CA14: variants seen among roughly 807,000 people sequenced by gnomAD.
CA14 encodes the protein CA-XIV.
In CA14, 44 loss-of-function variants were observed where a neutral mutation model predicts 48.8. The observed-to-expected ratio is 0.90, with a 90% CI of 0.71 to 1.16. The LOEUF (loss-of-function observed/expected upper bound fraction) is 1.16. CA14 is among the 50% of genes most tolerant of loss of function. The pLI is 0.00. For synonymous variants in CA14, 154 were observed against 155.0 expected (o/e 0.99, Z 0.05); for missense variants, 386 against 401.0 (o/e 0.96, Z 0.32).
In CA14 at chr1:150,260,180, A is replaced by T; in HGVS notation, c.76+9A>T. 1 of 1,613,922 alleles carries T rather than the reference A, an allele frequency of 6.2e-7. No homozygotes were observed. The highest frequency in any genetic ancestry group is 1.1e-5 in the South Asian group (1 of 91,076). On this transcript the variant is annotated intron_variant, in intron 2 of 10. Transcript: ENST00000369111. Reference sequence around the variant, plus strand: ...ACACTGGACGTATGAGGGTGAGCAGATCTCAAGGCCTCCCGACAACCCTTT... The same window carrying T: ...ACACTGGACGTATGAGGGTGAGCAGTTCTCAAGGCCTCCCGACAACCCTTT...
At chr1:150,263,740 G>T (rs1334720871) in intron 9 of CA14, 54 bp from the exon 10 acceptor site, 3 of 1,612,090 alleles carry the variant, frequency 1.9e-6, no homozygotes, top group East Asian at 2.2e-5. Flanking sequence ...TGGGGGAAAG[G>T]CTCAAAATCT....
At chr1:150,261,689 G>T (rs1364451865) in intron 3 of CA14, 51 bp downstream of exon 3, 2 of 1,547,610 alleles carry the variant, frequency 1.3e-6, no homozygotes, top group East Asian at 2.3e-5. Context: ...GATCTTAGGA[G>T]TCAGATCCTT....
Position 150,261,513 on chromosome 1 carries a change from C to T in CA14, c.131C>T (p.Ala44Val), listed in dbSNP as rs1553847801. Residue 44 changes from alanine (A) to valine (V), a missense_variant, in exon 3 of 11, where the codon GCC becomes GTC. Physicochemically the swap from Ala to Val is moderately conservative, Grantham distance 64. Transcript: ENST00000369111. ...PASYPECGNN[A>V]QSPIDIQTDS... Reference sequence around the variant, plus strand: ...TCTTACCCTGAGTGTGGAAACAATGCCCAGTCGCCCATCGATATTCAGACA... The same window carrying T: ...TCTTACCCTGAGTGTGGAAACAATGTCCAGTCGCCCATCGATATTCAGACA... 6.2e-7 allele frequency: 1 copy of T among 1,614,114 alleles called. No individual in the cohort carries two copies.
Position 150,262,571 on chromosome 1 carries a change from A to G in CA14, c.446A>G (p.Glu149Gly), listed in dbSNP as rs1365615488. The G allele has an allele frequency of 6.8e-6, 11 of 1,613,968 alleles. No individual in the cohort carries two copies. Among genetic ancestry groups the G allele is most frequent in the African/African-American group, 1.3e-5 (1 of 74,890 alleles). Residue 149 changes from glutamate to glycine, a missense_variant, in exon 5 of 11, where the codon GAG becomes GGG. Physicochemically the swap from Glu to Gly is moderately conservative, Grantham distance 98. Coordinates refer to ENST00000369111, the MANE Select transcript of CA14 (RefSeq NM_012113.3). ...YDSDSYDSLS[E>G]AAERPQGLAV... ...TCTGATTCCTATGACAGCTTGAGTG[A>G]GGCTGCTGAGAGGCCTCAGGGCCTG...
At position 150,263,649 on chromosome 1, in the gene CA14, T is replaced by C. The variant is rs782063766; in HGVS notation, c.842-10T>C. 8.7e-6 allele frequency: 14 copies of C among 1,613,722 alleles called. No individual in the cohort carries two copies. The highest frequency in any genetic ancestry group is 1.2e-5 in the Non-Finnish European group (14 of 1,179,894). ...CTGAAGTCCCACTGACCCATTTTCTTCTCTTACAGCAGGATCCTCGTATAC... is the reference window on the plus strand; with the variant it reads ...CTGAAGTCCCACTGACCCATTTTCTCCTCTTACAGCAGGATCCTCGTATAC... On this transcript the variant is annotated splice_polypyrimidine_tract_variant and intron_variant, in intron 8 of 10. Coordinates refer to ENST00000369111, the MANE Select transcript of CA14 (RefSeq NM_012113.3).
intron 6 of CA14, 40 bp from the exon 7 acceptor site, chr1:150,263,002 C>T: frequency 6.2e-7 from 1 of 1,611,396 alleles, no homozygotes; most frequent in South Asian, 1.1e-5. Flanking sequence ...TAAGCTAGGG[C>T]ACACTGAAAG....
chr1:150,263,769 C>T (rs1651335984), intron 9 of CA14, 25 bp from the exon 10 acceptor site: 3 of 1,612,346 alleles, frequency 1.9e-6, no homozygotes, highest in Non-Finnish European at 2.5e-6. Flanking sequence ...CCTAGGCTGA[C>T]ACCTTTTACC....
chr1:150,263,194 G>C lies in CA14; in HGVS notation c.715G>C (p.Glu239Gln), dbSNP rs782581132. The C allele has an allele frequency of 1.6e-5, 26 of 1,613,968 alleles. No homozygotes were observed. The highest frequency in any genetic ancestry group is 2.0e-5 in the Non-Finnish European group (24 of 1,180,006). ...VFYRRSQISM[E>Q]QLEKLQGTLF... ...TTATAGAAGGTCCCAGATTTCAATG[G>C]AACAGGTAAGTGGTGGAGAAACGAG... Residue 239 changes from glutamate (E) to glutamine (Q), a missense_variant, in exon 7 of 11, where the codon GAA (glutamate) becomes CAA (glutamine). Physicochemically the swap from Glu to Gln is conservative, Grantham distance 29. Transcript: ENST00000369111.
In CA14 at chr1:150,263,320, T is replaced by C. The variant is rs781851841; in HGVS notation, c.742T>C (p.Leu248=). 3 of 1,614,210 alleles carry C rather than the reference T, an allele frequency of 1.9e-6. No individual in the cohort carries two copies. The highest frequency in any genetic ancestry group is 2.5e-6 in the Non-Finnish European group (3 of 1,180,026). Residue 248 remains leucine, a synonymous_variant, in exon 8 of 11, where the codon TTG becomes CTG. Coordinates refer to ENST00000369111, the MANE Select transcript of CA14 (RefSeq NM_012113.3). ...MEQLEKLQGT[L]FSTEEEPSKL... is the part of the protein sequence containing the mutation. The stretch of plus-strand genomic sequence containing the variant: ...TCAGCTGGAAAAGCTTCAGGGGACA[T>C]TGTTCTCCACAGAAGAGGAGCCCTC...
At chr1:150,263,224 G>C in intron 7 of CA14, 25 bp downstream of exon 7, 1 of 1,613,914 alleles carries the variant, frequency 6.2e-7, no homozygotes, top group Non-Finnish European at 8.5e-7. Flanking sequence ...AACGAGGTGA[G>C]GTGAGACACA....
At chr1:150,260,460 T>C (rs1276591830) in intron 2 of CA14, 1 of 510,788 alleles carries the variant, frequency 2.0e-6, no homozygotes, top group Non-Finnish European at 3.6e-6. Context: ...ACTCTGAGCT[T>C]AGCTGCCAGG....
chr1:150,263,013 G>C, intron 6 of CA14, 29 bp from the exon 7 acceptor site: 1 of 1,612,930 alleles, frequency 6.2e-7, no homozygotes, highest in Non-Finnish European at 8.5e-7. Flanking sequence ...ACACTGAAAG[G>C]AAGATGAGTC....
intron 2 of CA14, 43 bp from the exon 3 acceptor site, chr1:150,261,416 A>G (rs782193852): frequency 3.2e-6 from 5 of 1,573,222 alleles, no homozygotes; most frequent in Non-Finnish European, 4.4e-6. Flanking sequence ...AAGGGTAGCT[A>G]GAGCTGGAGG....
At position 150,261,453 on chromosome 1, in the gene CA14, C is replaced by G; in HGVS notation, c.77-6C>G. 1 of 1,613,128 alleles carries G rather than the reference C, an allele frequency of 6.2e-7. No individual in the cohort carries two copies. Among genetic ancestry groups the G allele is most frequent in the Non-Finnish European group, 8.5e-7 (1 of 1,179,374 alleles). ...CAGGACCAATGTCTTTGGTAACCCC[C>G]ACCAGGCCCACATGGTCAGGACCAT... On this transcript the variant is annotated splice_region_variant and splice_polypyrimidine_tract_variant and intron_variant, in intron 2 of 10. Transcript: ENST00000369111.
rs781878562 is a variant in CA14 at position 150,263,886 on chromosome 1, C to A, written c.947+8C>A. On this transcript the variant is annotated splice_region_variant and intron_variant, in intron 10 of 10. Coordinates refer to ENST00000369111, the MANE Select transcript of CA14 (RefSeq NM_012113.3). Reference sequence around the variant, plus strand: ...CATTGCTAGAAAGATTCGGTGAGGCCCTACTTTCCATTCCTCCAGTCCCTT... The same window carrying A: ...CATTGCTAGAAAGATTCGGTGAGGCACTACTTTCCATTCCTCCAGTCCCTT... 5.0e-6 allele frequency: 8 copies of A among 1,596,782 alleles called. No homozygotes were observed. The Admixed American group carries it at 1.0e-4, about 20-fold the overall frequency.
Position 150,264,742 on chromosome 1 carries a change from C to A in CA14, c.*83C>A. On this transcript the variant is annotated 3_prime_UTR_variant, in exon 11 of 11. Coordinates refer to ENST00000369111, the MANE Select transcript of CA14 (RefSeq NM_012113.3). ...TCTAAAATGGGGTGTAGGATCTGGC[C>A]AGAAACACTGTAGGAGTAGTAAGCA... The A allele has an allele frequency of 9.8e-7, 1 of 1,025,464 alleles. No homozygotes were observed. Among genetic ancestry groups the A allele is most frequent in the Non-Finnish European group, 1.5e-6 (1 of 673,602 alleles). The allele number at this position is 1,025,464 out of a possible 1,614,324, so 63.5% of individuals were successfully genotyped here. A position where few individuals can be genotyped will look rare whatever the true frequency, so the allele number is the denominator to read the frequency against.
chr1:150,261,393 G>A, intron 2 of CA14, 66 bp from the exon 3 acceptor site: 1 of 1,416,876 alleles, frequency 7.1e-7, no homozygotes, highest in East Asian at 2.3e-5. Flanking sequence ...GTCAAAGGGA[G>A]GGGGTGCTGT....
At chr1:150,262,643 C>T in intron 5 of CA14, 23 bp downstream of exon 5, 11 of 1,576,710 alleles carry the variant, frequency 7.0e-6, no homozygotes, top group Non-Finnish European at 9.6e-6. Flanking sequence ...CAGTCCCTTC[C>T]AGGTTTCTCT....
intron 10 of CA14, 92 bp from the exon 11 acceptor site, chr1:150,264,501 C>A: frequency 1.3e-6 from 1 of 767,968 alleles, no homozygotes. Context: ...CCTTGCCCAG[C>A]CCTCTTTTCT....
Sources: allele counts gnomAD v4.1 joint callset, GRCh38; gene constraint gnomAD v4.1.1; transcripts MANE v1.5; gene names NCBI Gene and HGNC (gene_info 2026-07-23, HGNC 2026-07-21).